Variants in KHDRBS2 observed in about 807,000 individuals in gnomAD.
KHDRBS2 encodes KH RNA binding domain containing, signal transduction associated 2.
A neutral mutation model predicts 44.3 loss-of-function variants in KHDRBS2; 26 were observed. That is an observed-to-expected ratio of 0.59 (90% confidence interval 0.43 to 0.81). The LOEUF is 0.81. Ranked by LOEUF, KHDRBS2 falls within the 40% of genes least tolerant of loss-of-function variation. The pLI, the probability that KHDRBS2 is intolerant of heterozygous loss-of-function variation, is 0.00. For synonymous variants in KHDRBS2, 194 were observed against 151.1 expected (o/e 1.28, Z -2.08); for missense variants, 476 against 433.1 (o/e 1.10, Z -0.88).
At position 62,047,962 on chromosome 6, in the gene KHDRBS2, T is replaced by A; in HGVS notation, c.252A>T (p.Arg84Ser). 6.2e-7 allele frequency: 1 copy of A among 1,611,052 alleles called. No homozygotes were observed. Among genetic ancestry groups the A allele is most frequent in the Non-Finnish European group, 8.5e-7 (1 of 1,177,582 alleles). Residue 84 changes from arginine to serine, a missense_variant, in exon 3 of 9, where the codon AGA (arginine) becomes AGT (serine). Transcript: ENST00000281156. The part of the protein sequence containing the change: ...FNFVGKLLGP[R>S]GNSLKRLQEE... ...CCTGTAGCCTCTTCAAGGAGTTTCCTCTTGGTCCAAGCAATTTCCCCACAA... is the reference window on the plus strand; with the variant it reads ...CCTGTAGCCTCTTCAAGGAGTTTCCACTTGGTCCAAGCAATTTCCCCACAA...
the KHDRBS2 span, among the ~76,000 whole-genome samples, chr6:61,598,042 G>A: frequency 2.0e-5 from 3 of 150,344 alleles, no homozygotes; most frequent in South Asian, 2.1e-4. Flanking sequence ...TGGAGCAGAG[G>A]GAATGGGGGT....
chr6:62,103,375 C>A (rs1345477897), intron 2 of KHDRBS2, among the ~76,000 whole-genome samples: 2 of 152,234 alleles, frequency 1.3e-5, no homozygotes, highest in Non-Finnish European at 2.9e-5. Context: ...GTCCAGAGGG[C>A]AGTGAGGGTA....
At chr6:61,991,859 G>T (rs760516365) in intron 3 of KHDRBS2, among the ~76,000 whole-genome samples, 1 of 152,130 alleles carries the variant, frequency 6.6e-6, no homozygotes, top group Non-Finnish European at 1.5e-5. Flanking sequence ...TGCTGAAGAA[G>T]GTCTTGCAGA....
Position 62,177,207 on chromosome 6 carries a change from A to G in KHDRBS2, c.197T>C (p.Ile66Thr). ...TACCTTTGGATACTGCTTGACAGGAATCAGTACTCTTTCTGAGAGCTTTAT... is the reference window on the plus strand; with the variant it reads ...TACCTTTGGATACTGCTTGACAGGAGTCAGTACTCTTTCTGAGAGCTTTAT... ...KNIKLSERVL[I>T]PVKQYPKFNF... is the part of the protein sequence containing the mutation. The change falls in exon 2 of 9, where the codon ATT becomes ACT. Residue 66 changes from isoleucine to threonine, a missense_variant. By Grantham distance (89) the Ile-to-Thr change is moderately conservative. Coordinates refer to ENST00000281156, the MANE Select transcript of KHDRBS2 (RefSeq NM_152688.4). 6.3e-7 allele frequency: 1 copy of G among 1,584,714 alleles called. No homozygotes were observed. Among genetic ancestry groups the G allele is most frequent in the Non-Finnish European group, 8.7e-7 (1 of 1,155,954 alleles).
chr6:62,192,098 A>G (rs1824747419), intron 1 of KHDRBS2, among the ~76,000 whole-genome samples: 1 of 152,044 alleles, frequency 6.6e-6, no homozygotes, highest in Non-Finnish European at 1.5e-5. Flanking sequence ...TTCATGTAAA[A>G]TATTAGAAAA....
intron 4 of KHDRBS2, among the ~76,000 whole-genome samples, chr6:61,905,147 A>T (rs1804727768): frequency 6.6e-6 from 1 of 152,208 alleles, no homozygotes; most frequent in Non-Finnish European, 1.5e-5. Flanking sequence ...CAATTTTTTC[A>T]ATACTTTACT....
intron 2 of KHDRBS2, among the ~76,000 whole-genome samples, chr6:62,143,331 A>G (rs1194841945): frequency 6.6e-6 from 1 of 152,032 alleles, no homozygotes; most frequent in Admixed American, 6.6e-5. Flanking sequence ...CTGAACTCAG[A>G]AATGAATATA....
At chr6:62,207,609 A>C (rs1239812045) in intron 1 of KHDRBS2, among the ~76,000 whole-genome samples, 1 of 152,152 alleles carries the variant, frequency 6.6e-6, no homozygotes, top group African/African-American at 2.4e-5. Flanking sequence ...AAGAACATTT[A>C]ATAGGAATCC....
chr6:61,884,370 A>G (rs1800620240), intron 6 of KHDRBS2, among the ~76,000 whole-genome samples: 1 of 152,114 alleles, frequency 6.6e-6, no homozygotes, highest in Non-Finnish European at 1.5e-5. Flanking sequence ...AATTTTAATT[A>G]TATCTCTTCT....
the KHDRBS2 span, among the ~76,000 whole-genome samples, chr6:61,580,348 AGCACTCTGTAAAATGGACCAATCG>A: frequency 3.3e-5 from 5 of 152,194 alleles, no homozygotes; most frequent in Non-Finnish European, 7.3e-5. Flanking sequence ...GGCAACAATC[AGCACTCTGTAAAATGGACCAATCG>A]GCACTCTGTA....
At chr6:61,720,788 T>G (rs1211043791) in intron 7 of KHDRBS2, among the ~76,000 whole-genome samples, 2 of 151,548 alleles carry the variant, frequency 1.3e-5, no homozygotes, top group Non-Finnish European at 3.0e-5. Flanking sequence ...TTTAATTAGA[T>G]CCCATTTGTC....
intron 6 of KHDRBS2, among the ~76,000 whole-genome samples, chr6:61,807,295 T>C (rs1454628380): frequency 3.9e-5 from 6 of 152,140 alleles, no homozygotes; most frequent in African/African-American, 1.4e-4. Flanking sequence ...AGAATTACCA[T>C]TTGGCCCAGC....
At chr6:61,996,513 G>A (rs1316868510) in intron 3 of KHDRBS2, among the ~76,000 whole-genome samples, 2 of 151,794 alleles carry the variant, frequency 1.3e-5, no homozygotes, top group African/African-American at 4.8e-5. Context: ...CTTTTTATTG[G>A]CAAATTGGGT....
chr6:61,633,864 G>C, the KHDRBS2 span, among the ~76,000 whole-genome samples: 1 of 151,886 alleles, frequency 6.6e-6, no homozygotes, highest in African/African-American at 2.4e-5. Context: ...TCTTCCAGAA[G>C]TCCTCTCAAA....
At chr6:62,144,559 A>C (rs1813538050) in intron 2 of KHDRBS2, among the ~76,000 whole-genome samples, 1 of 151,938 alleles carries the variant, frequency 6.6e-6, no homozygotes, top group Non-Finnish European at 1.5e-5. Context: ...AAACAGCTAC[A>C]TGCTCTTTAC....
intron 6 of KHDRBS2, among the ~76,000 whole-genome samples, chr6:61,736,221 C>CACACAACG (rs1476282795): frequency 1.3e-5 from 2 of 150,444 alleles, no homozygotes. Context: ...TTCACACACA[C>CACACAACG]ACACACACAC....
chr6:61,618,648 G>T, the KHDRBS2 span, among the ~76,000 whole-genome samples: 2 of 152,006 alleles, frequency 1.3e-5, no homozygotes. Flanking sequence ...GATAGGCCCC[G>T]TTGTGCATTG....
At chr6:61,661,484 G>C in the KHDRBS2 span, 1 of 151,880 alleles carries the variant, frequency 6.6e-6, no homozygotes, top group Non-Finnish European at 1.5e-5. Context: ...AACAGTAGCA[G>C]TTGTCAAGCA....
the KHDRBS2 span, among the ~76,000 whole-genome samples, chr6:61,657,603 T>A: frequency 0.83 from 126,729 of 151,862 alleles, 53,161 homozygotes; most frequent in Non-Finnish European, 0.88. Flanking sequence ...CTACAAAAAA[T>A]GTTGGTTAGC....
Sources: gnomAD v4.1 joint callset for allele counts (sites outside exome capture counted in the v4.1 genomes callset) on GRCh38, gnomAD v4.1.1 for gene constraint, MANE v1.5 for transcripts, NCBI Gene and HGNC (gene_info 2026-07-23, HGNC 2026-07-21) for gene names.